The following FBRSL1 variants were observed in gnomAD, a reference collection of about 807,000 sequenced individuals.
The protein encoded by FBRSL1 is fibrosin-1-like protein.
In FBRSL1, 51 loss-of-function variants were observed where a neutral mutation model predicts 89.6. The ratio of observed to expected loss-of-function variants is 0.57; its 90% CI spans 0.45 to 0.72. The LOEUF is 0.72. Ranked by LOEUF, FBRSL1 falls within the 30% of genes least tolerant of loss-of-function variation. The probability of loss-of-function intolerance (pLI) is 0.00; values close to 1 mark genes in which losing one functional copy is unlikely to be tolerated. For synonymous variants in FBRSL1, 779 were observed against 681.1 expected (o/e 1.14, Z -2.24); for missense variants, 1,618 against 1,451.8 (o/e 1.11, Z -1.86).
At chr12:132,542,676 C>A (rs942488459) in intron 4 of FBRSL1, among the ~76,000 whole-genome samples, 1 of 152,186 alleles carries the variant, frequency 6.6e-6, no homozygotes, top group South Asian at 2.1e-4. Flanking sequence ...CTAGACCCTC[C>A]GCAGGACAGC....
chr12:132,582,368 C>G (rs2040825130), intron 18 of FBRSL1, 102 bp downstream of exon 18: 8 of 954,712 alleles, frequency 8.4e-6, no homozygotes, highest in Non-Finnish European at 1.3e-5. Context: ...CCTCTTCTCC[C>G]CGTTTCCTCT....
chr12:132,531,156 G>A lies in FBRSL1; in HGVS notation c.615+3168G>A, dbSNP rs558015234. On this transcript the variant is annotated intron_variant, in intron 4 of 18. Coordinates refer to ENST00000680143, the MANE Select transcript of FBRSL1 (RefSeq NM_001367871.1). ...CCCCAGGGGTGGAGGACCAAGAACC[G>A]GTCCCATGGGACGCATGCCCAGGAG... Among the ~76,000 whole-genome samples, 80 of 152,224 alleles carry A rather than the reference G, an allele frequency of 5.3e-4. 1 individual carries two copies. In the South Asian group the frequency reaches 0.015, roughly 28 times the overall value.
At chr12:132,491,013 A>G (rs563230280) in intron 1 of FBRSL1, among the ~76,000 whole-genome samples, 152 bp downstream of exon 1, 2 of 152,278 alleles carry the variant, frequency 1.3e-5, no homozygotes, top group African/African-American at 4.8e-5. Flanking sequence ...CGTTCCAGGG[A>G]CCCTGGGTGC....
chr12:132,571,760 CCACGTGCATGGGA>C (rs1426876018), intron 9 of FBRSL1: 3 of 350,188 alleles, frequency 8.6e-6, no homozygotes, highest in African/African-American at 6.6e-5. Flanking sequence ...CACCCCGTGC[CCACGTGCATGGGA>C]CACCCTCACG....
chr12:132,529,693 C>A, intron 4 of FBRSL1, among the ~76,000 whole-genome samples: 1 of 151,832 alleles, frequency 6.6e-6, no homozygotes, highest in East Asian at 1.9e-4. Flanking sequence ...CACCCCTGGG[C>A]TCTGCCCCCC....
chr12:132,554,191 G>GGGA (rs2038424133), intron 5 of FBRSL1: 1 of 152,254 alleles, frequency 6.6e-6, no homozygotes, highest in Non-Finnish European at 1.5e-5. Flanking sequence ...TCACCGCCTT[G>GGGA]GGAGGGGTCA....
chr12:132,524,582 C>T (rs534048229), intron 2 of FBRSL1, among the ~76,000 whole-genome samples: 3 of 152,328 alleles, frequency 2.0e-5, no homozygotes, highest in Admixed American at 1.3e-4. Context: ...CGGGCTGGGG[C>T]GTGCTCCTGA....
intron 4 of FBRSL1, among the ~76,000 whole-genome samples, chr12:132,534,272 C>T (rs761824423): frequency 2.0e-5 from 3 of 152,348 alleles, no homozygotes; most frequent in Non-Finnish European, 2.9e-5. Context: ...ACGCCACGTG[C>T]GTTGTCGGGC....
chr12:132,562,187 G>A (rs968784371), intron 5 of FBRSL1, among the ~76,000 whole-genome samples: 3 of 152,174 alleles, frequency 2.0e-5, no homozygotes, highest in Admixed American at 2.0e-4. Flanking sequence ...CCCCATGGGA[G>A]CCACACTTCT....
At chr12:132,507,855 T>C (rs2033868833) in intron 1 of FBRSL1, among the ~76,000 whole-genome samples, 1 of 152,068 alleles carries the variant, frequency 6.6e-6, no homozygotes, top group Non-Finnish European at 1.5e-5. Context: ...TGGGCAGCCC[T>C]GGGCTGGCCT....
At chr12:132,511,551 A>C in intron 2 of FBRSL1, 1 of 985,630 alleles carries the variant, frequency 1.0e-6, no homozygotes, top group East Asian at 1.1e-4. Flanking sequence ...TCCAGACCTC[A>C]GGGGAGCTGG....
intron 4 of FBRSL1, among the ~76,000 whole-genome samples, chr12:132,544,223 G>A (rs942032981): frequency 1.3e-5 from 2 of 152,208 alleles, no homozygotes; most frequent in Non-Finnish European, 2.9e-5. Flanking sequence ...AACAAGTACT[G>A]AGAAGTGGTC....
chr12:132,549,741 CA>C (rs1244313315), intron 5 of FBRSL1, among the ~76,000 whole-genome samples: 1 of 152,158 alleles, frequency 6.6e-6, no homozygotes, highest in Non-Finnish European at 1.5e-5. Flanking sequence ...CAGCCGCCCC[CA>C]TAACTGCACG....
intron 2 of FBRSL1, among the ~76,000 whole-genome samples, chr12:132,513,990 A>G (rs1275910718): frequency 6.6e-6 from 1 of 152,046 alleles, no homozygotes; most frequent in East Asian, 1.9e-4. Flanking sequence ...TGGACCCCTC[A>G]CTGCAGGTGA....
intron 5 of FBRSL1, among the ~76,000 whole-genome samples, chr12:132,559,591 G>A (rs866995772): frequency 6.6e-6 from 1 of 151,982 alleles, no homozygotes; most frequent in Non-Finnish European, 1.5e-5. Flanking sequence ...GCGGGGGTGG[G>A]GGGTCTTCCT....
At chr12:132,560,337 C>T (rs922377101) in intron 5 of FBRSL1, 3 of 152,096 alleles carry the variant, frequency 2.0e-5, no homozygotes, top group African/African-American at 7.2e-5. Context: ...ATCTCCGGGC[C>T]TTCTGCCCAC....
At chr12:132,575,647 G>A (rs1035098780) in intron 14 of FBRSL1, among the ~76,000 whole-genome samples, 1 of 152,246 alleles carries the variant, frequency 6.6e-6, no homozygotes, top group Non-Finnish European at 1.5e-5. Flanking sequence ...CATCACTCCT[G>A]GTTTTGTCCT....
intron 2 of FBRSL1, among the ~76,000 whole-genome samples, chr12:132,524,150 C>T (rs921776748): frequency 6.6e-6 from 1 of 152,224 alleles, no homozygotes; most frequent in Non-Finnish European, 1.5e-5. Flanking sequence ...TGGGGCAGGC[C>T]AGTCGCTTGC....
intron 4 of FBRSL1, among the ~76,000 whole-genome samples, chr12:132,530,990 A>AGG (rs2036219628): frequency 2.9e-5 from 1 of 34,962 alleles, no homozygotes; most frequent in African/African-American, 1.1e-4. Flanking sequence ...CCTTGTGTCC[A>AGG]GTGTGGGGGG....
Sources: gnomAD v4.1 joint callset for allele counts (sites outside exome capture counted in the v4.1 genomes callset) on GRCh38, gnomAD v4.1.1 for gene constraint, MANE v1.5 for transcripts, NCBI Gene and HGNC (gene_info 2026-07-23, HGNC 2026-07-21) for gene names.